The following SULT6B1 variants were observed in gnomAD, a reference collection of about 807,000 sequenced individuals.
The protein encoded by SULT6B1 is sulfotransferase family 6B member 1.
A neutral mutation model predicts 37.2 loss-of-function variants in SULT6B1; 44 were observed. That is an observed-to-expected ratio of 1.18 (90% confidence interval 0.93 to 1.52). SULT6B1 has a LOEUF of 1.52. SULT6B1 is among the 40% of genes most tolerant of loss of function. The pLI is 0.00. For missense variants in SULT6B1, 450 were observed against 361.0 expected (o/e 1.25, Z -2.00); for synonymous variants, 140 against 126.0 (o/e 1.11, Z -0.74).
upstream of SULT6B1, among the ~76,000 whole-genome samples, chr2:37,193,323 G>A (rs1676819505): frequency 6.6e-6 from 1 of 150,960 alleles, no homozygotes; most frequent in Admixed American, 6.6e-5. Context: ...ATTGCCAGGT[G>A]TGGCGGTGCG....
intron 2 of SULT6B1, 94 bp from the exon 3 acceptor site, chr2:37,183,608 T>A: frequency 3.4e-6 from 3 of 882,204 alleles, no homozygotes; most frequent in Non-Finnish European, 5.5e-6. Flanking sequence ...TAAGTGATAG[T>A]TTCTAGCACT....
chr2:37,183,551 T>C, intron 2 of SULT6B1, 37 bp from the exon 3 acceptor site: 1 of 1,422,392 alleles, frequency 7.0e-7, no homozygotes, highest in Non-Finnish European at 9.9e-7. Context: ...AATGTGCACG[T>C]GTGTGCATGT....
intron 3 of SULT6B1, among the ~76,000 whole-genome samples, chr2:37,182,742 G>A (rs370090827): frequency 6.6e-6 from 1 of 152,116 alleles, no homozygotes; most frequent in Non-Finnish European, 1.5e-5. Flanking sequence ...GAAACAGAAA[G>A]GGTTGGGTAA....
At position 37,187,390 on chromosome 2, in the gene SULT6B1, G is replaced by C; in HGVS notation, c.277C>G (p.Pro93Ala). The C allele has an allele frequency of 6.2e-7, 1 of 1,606,014 alleles. No homozygotes were observed. The highest frequency in any genetic ancestry group is 8.5e-7 in the Non-Finnish European group (1 of 1,174,458). ...SKKKYKYPEF[P>A]VLECGDSEKY... is the part of the protein sequence containing the mutation. ...TCTGAATCCCCACATTCAAGAACTG[G>C]GAATTCTGGATATTTATACTTTTTT... is the stretch of plus-strand genomic sequence containing the variant. Residue 93 changes from proline (P) to alanine (A), a missense_variant, in exon 2 of 7, where the codon CCA (proline) becomes GCA (alanine). By Grantham distance (27) the Pro-to-Ala change is conservative. Coordinates refer to ENST00000535679, the MANE Select transcript of SULT6B1 (RefSeq NM_001367551.1).
rs758068823 is a variant in SULT6B1 at position 37,179,462 on chromosome 2, T to G, written c.525A>C (p.Gly175=). 1 of 1,613,416 alleles carries G rather than the reference T, an allele frequency of 6.2e-7. No homozygotes were observed. The highest frequency in any genetic ancestry group is 1.3e-5 in the African/African-American group (1 of 74,906). The change falls in exon 4 of 7, where the codon GGA becomes GGC. Residue 175 remains glycine (G), a synonymous_variant. Transcript: ENST00000535679. ...TTCTTTTACCAACAGCCATACCTTGTCCTTTCATGAACTGTCTGAAGAATT... is the reference window on the plus strand; with the variant it reads ...TTCTTTTACCAACAGCCATACCTTGGCCTTTCATGAACTGTCTGAAGAATT... ...WDEFFRQFMK[G]QVSWGRYFDF...
rs368236338 is a variant in SULT6B1, at chr2:37,183,404, T to A, written c.402+21A>T. 7 of 1,585,954 alleles carry A rather than the reference T, an allele frequency of 4.4e-6. No individual in the cohort carries two copies. The Admixed American group carries it at 1.0e-4, about 23-fold the overall frequency. ...TATACATAGAAATTTCAAAGAATTA[T>A]CAGTAGGAAAGGACACTCACCTTGG... On this transcript the variant is annotated intron_variant, in intron 3 of 6. Transcript: ENST00000535679.
At chr2:37,192,789 A>C (rs137856622), upstream of SULT6B1, among the ~76,000 whole-genome samples, 1 of 152,214 alleles carries the variant, frequency 6.6e-6, no homozygotes, top group Non-Finnish European at 1.5e-5. Flanking sequence ...TTGTTCTGAC[A>C]CTAATGCCTG....
chr2:37,178,478 C>T (rs537668985), intron 4 of SULT6B1, among the ~76,000 whole-genome samples: 53 of 152,216 alleles, frequency 3.5e-4, no homozygotes, highest in African/African-American at 9.9e-4. Context: ...TCGAGTCATC[C>T]GCCCGCCTCG....
At chr2:37,168,090 C>T (rs1676218589) in intron 6 of SULT6B1, 25 bp from the exon 7 acceptor site, 2 of 1,552,538 alleles carry the variant, frequency 1.3e-6, no homozygotes, top group East Asian at 4.8e-5. Context: ...AAACAGTAGA[C>T]CCAGATATCT....
chr2:37,185,354 C>A (rs1183600615), intron 2 of SULT6B1, among the ~76,000 whole-genome samples: 1 of 152,114 alleles, frequency 6.6e-6, no homozygotes, highest in Non-Finnish European at 1.5e-5. Context: ...AATATGTACT[C>A]CAGAAAAGTT....
Position 37,175,246 on chromosome 2 carries a change from G to A in SULT6B1, c.530-20C>T. The A allele has an allele frequency of 1.4e-6, 2 of 1,435,900 alleles. No homozygotes were observed. The highest frequency in any genetic ancestry group is 1.4e-5 in the African/African-American group (1 of 70,680). The allele number at this position is 1,435,900 out of a possible 1,614,324, so 88.9% of individuals were successfully genotyped here. ...AAGAAACTAAAAACACAGGGGGGAA[G>A]ACTTTAAGAAATGTCAAATAACTGA... On this transcript the variant is annotated intron_variant, in intron 4 of 6. Coordinates refer to ENST00000535679, the MANE Select transcript of SULT6B1 (RefSeq NM_001367551.1).
upstream of SULT6B1, among the ~76,000 whole-genome samples, chr2:37,190,840 C>T (rs964463861): frequency 5.3e-5 from 8 of 152,076 alleles, no homozygotes; most frequent in African/African-American, 1.9e-4. Context: ...TTGATTTCAG[C>T]CCAATGGTAG....
upstream of SULT6B1, among the ~76,000 whole-genome samples, chr2:37,190,766 T>C (rs1250165727): frequency 6.6e-6 from 1 of 152,150 alleles, no homozygotes; most frequent in Non-Finnish European, 1.5e-5. Context: ...ATGCAGGGTC[T>C]GTATGTCTTG....
chr2:37,186,503 C>T (rs1558451597), intron 2 of SULT6B1, among the ~76,000 whole-genome samples: 1 of 152,114 alleles, frequency 6.6e-6, no homozygotes, highest in South Asian at 2.1e-4. Context: ...CCTGTTATCC[C>T]CTTCACACAC....
chr2:37,184,532 G>A (rs892079269), intron 2 of SULT6B1, among the ~76,000 whole-genome samples: 7 of 152,154 alleles, frequency 4.6e-5, no homozygotes, highest in East Asian at 1.9e-4. Flanking sequence ...CATCTGTAGC[G>A]GTCACTTACT....
intron 4 of SULT6B1, among the ~76,000 whole-genome samples, chr2:37,175,730 A>G (rs3845784): frequency 0.7 from 106,028 of 152,032 alleles, 37,337 homozygotes; most frequent in East Asian, 0.96. Flanking sequence ...CCATCATATA[A>G]TCAACAAAAA....
At chr2:37,185,178 C>G (rs1343775487) in intron 2 of SULT6B1, among the ~76,000 whole-genome samples, 1 of 152,050 alleles carries the variant, frequency 6.6e-6, no homozygotes, top group East Asian at 1.9e-4. Context: ...TGTACAGACA[C>G]ATGAGAAATG....
chr2:37,181,964 C>A (rs1274812299), intron 3 of SULT6B1, among the ~76,000 whole-genome samples: 1 of 152,146 alleles, frequency 6.6e-6, no homozygotes, highest in Non-Finnish European at 1.5e-5. Flanking sequence ...GAATCATGGT[C>A]CAGCTGCTTA....
chr2:37,178,378 G>C (rs1676476110), intron 4 of SULT6B1, among the ~76,000 whole-genome samples: 1 of 152,094 alleles, frequency 6.6e-6, no homozygotes, highest in Admixed American at 6.6e-5. Flanking sequence ...TGGGATTACA[G>C]GCATGCAACA....
Sources: gnomAD v4.1 joint callset for allele counts (sites outside exome capture counted in the v4.1 genomes callset) on GRCh38, gnomAD v4.1.1 for gene constraint, MANE v1.5 for transcripts, NCBI Gene and HGNC (gene_info 2026-07-23, HGNC 2026-07-21) for gene names.